Variants in GAS7 observed in about 807,000 individuals in gnomAD.
GAS7 encodes the protein growth arrest specific 7.
In GAS7, 28 loss-of-function variants were observed where a neutral mutation model predicts 71.1. That is an observed-to-expected ratio of 0.39 (90% CI 0.29 to 0.54). The LOEUF (loss-of-function observed/expected upper bound fraction) is 0.54. GAS7 is among the 20% of genes least tolerant of loss of function. GAS7 has a pLI of 0.62. For missense variants in GAS7, 436 were observed against 627.8 expected, an observed-to-expected ratio of 0.69 and a Z score of 3.27; for synonymous variants, 258 against 245.8, an observed-to-expected ratio of 1.05 and a Z score of -0.46.
chr17:10,147,461 A>G (rs2074130458), intron 1 of GAS7, among the ~76,000 whole-genome samples: 1 of 152,196 alleles, frequency 6.6e-6, no homozygotes, highest in Non-Finnish European at 1.5e-5. Context: ...AGACAAAAGG[A>G]AACATCCTCA....
chr17:9,941,983 T>G (rs1313959256), intron 7 of GAS7, among the ~76,000 whole-genome samples: 4 of 152,216 alleles, frequency 2.6e-5, no homozygotes, highest in African/African-American at 9.6e-5. Flanking sequence ...TCTGGCACAG[T>G]GGCTCATGCC....
chr17:9,933,737 T>C (rs923080591), intron 9 of GAS7, among the ~76,000 whole-genome samples: 1 of 151,988 alleles, frequency 6.6e-6, no homozygotes, highest in Non-Finnish European at 1.5e-5. Context: ...CCCAGCTACT[T>C]GGGAGGCTGA....
At chr17:10,094,946 T>C (rs2073625326) in intron 1 of GAS7, among the ~76,000 whole-genome samples, 1 of 152,192 alleles carries the variant, frequency 6.6e-6, no homozygotes, top group Admixed American at 6.5e-5. Flanking sequence ...TCCATTTCTG[T>C]CATCCGCAAT....
intron 5 of GAS7, among the ~76,000 whole-genome samples, chr17:9,957,362 C>A (rs906072759): frequency 6.6e-6 from 1 of 152,180 alleles, no homozygotes; most frequent in Non-Finnish European, 1.5e-5. Context: ...GCGAGGTGTG[C>A]TGCCCATCAG....
At chr17:10,097,359 A>G (rs1276178102) in intron 1 of GAS7, among the ~76,000 whole-genome samples, 1 of 152,244 alleles carries the variant, frequency 6.6e-6, no homozygotes, top group African/African-American at 2.4e-5. Flanking sequence ...GCAGAGCAGA[A>G]GAGAGACTCC....
chr17:10,175,977 C>A (rs1361509420), intron 1 of GAS7, among the ~76,000 whole-genome samples: 1 of 152,184 alleles, frequency 6.6e-6, no homozygotes, highest in East Asian at 1.9e-4. Context: ...CTGGGCACAT[C>A]CCCGTTATCA....
At chr17:10,120,011 G>A (rs117371843) in intron 1 of GAS7, among the ~76,000 whole-genome samples, 2 of 152,344 alleles carry the variant, frequency 1.3e-5, no homozygotes, top group East Asian at 1.9e-4. Context: ...GCTTTCGGAA[G>A]TGCTAACCAC....
intron 6 of GAS7, among the ~76,000 whole-genome samples, chr17:9,946,348 G>C (rs1328534488): frequency 6.6e-6 from 1 of 152,146 alleles, no homozygotes; most frequent in Non-Finnish European, 1.5e-5. Flanking sequence ...ATGGTTGTGC[G>C]ACCATCACCA....
intron 1 of GAS7, among the ~76,000 whole-genome samples, chr17:10,129,020 G>A (rs1430244113): frequency 1.3e-5 from 2 of 152,138 alleles, no homozygotes; most frequent in Non-Finnish European, 2.9e-5. Context: ...ACATATATGA[G>A]AAGACATTTT....
intron 2 of GAS7, among the ~76,000 whole-genome samples, chr17:9,985,263 C>A (rs891693044): frequency 1.3e-5 from 2 of 152,144 alleles, no homozygotes; most frequent in Non-Finnish European, 1.5e-5. Flanking sequence ...CACTTCACAG[C>A]GAAAATCCCT....
At chr17:10,112,701 T>C (rs543737123) in intron 1 of GAS7, among the ~76,000 whole-genome samples, 57 of 146,240 alleles carry the variant, frequency 3.9e-4, no homozygotes, top group Non-Finnish European at 5.5e-4. Flanking sequence ...ATCATACCAG[T>C]GCACTCCAGC....
In GAS7 at chr17:9,981,799, A is replaced by G. The variant is rs2070420251; in HGVS notation, c.385+5T>C. 6.5e-7 allele frequency: 1 copy of G among 1,538,956 alleles called. No homozygotes were observed. The highest frequency in any genetic ancestry group is 9.0e-7 in the Non-Finnish European group (1 of 1,111,464). Reference sequence around the variant, plus strand: ...AGTTGCCCCAAAGCAGACAGCGGACATTACCTGTTGGAGGCAGAGAGCTCC... The same window carrying G: ...AGTTGCCCCAAAGCAGACAGCGGACGTTACCTGTTGGAGGCAGAGAGCTCC... On this transcript the variant is annotated splice_donor_5th_base_variant and intron_variant, in intron 3 of 13. Transcript: ENST00000432992. The surrounding 1 kb of genome is among the most constrained non-coding windows in gnomAD (Gnocchi z 4.4).
intron 1 of GAS7, among the ~76,000 whole-genome samples, chr17:10,140,154 G>A (rs999981994): frequency 4.6e-5 from 7 of 152,160 alleles, no homozygotes; most frequent in Non-Finnish European, 7.3e-5. Context: ...CTAATATTCT[G>A]TAAAAACTCT....
chr17:9,966,701 A>T lies in GAS7; in HGVS notation c.471+2976T>A, dbSNP rs150160902. On this transcript the variant is annotated intron_variant, in intron 4 of 13. Coordinates refer to ENST00000432992, the MANE Select transcript of GAS7 (RefSeq NM_201433.2). ...CTGCAGGCTCACAAACCAGGACAAA[A>T]AGTAGTAGCTAGCTGGGCGTGGTGG... 4.2e-3 allele frequency among the ~76,000 whole-genome samples: 640 copies of T among 152,188 alleles called. 5 individuals are homozygous for T. The highest frequency in any genetic ancestry group is 0.015 in the African/African-American group (608 of 41,536).
At chr17:10,009,326 AAAAAAAAAAAGTGTTCTACTGG>A (rs2071667527) in intron 2 of GAS7, among the ~76,000 whole-genome samples, 1 of 151,374 alleles carries the variant, frequency 6.6e-6, no homozygotes, top group African/African-American at 2.4e-5. Flanking sequence ...GTCAAAAAAA[AAAAAAAAAAAGTGTTCTACTGG>A]AAAACTTATC....
intron 4 of GAS7, among the ~76,000 whole-genome samples, chr17:9,965,582 T>C (rs2069673703): frequency 1.3e-5 from 2 of 152,160 alleles, no homozygotes; most frequent in African/African-American, 4.8e-5. Context: ...AAAATCTAGA[T>C]GACAGGTTGA....
At chr17:10,154,757 T>TCATG (rs2074191839) in intron 1 of GAS7, among the ~76,000 whole-genome samples, 1 of 152,130 alleles carries the variant, frequency 6.6e-6, no homozygotes, top group African/African-American at 2.4e-5. Flanking sequence ...AACAACTGTA[T>TCATG]CATGCTGTCT....
chr17:9,985,145 C>T (rs1177914893), intron 2 of GAS7, among the ~76,000 whole-genome samples: 1 of 152,170 alleles, frequency 6.6e-6, no homozygotes, highest in Admixed American at 6.5e-5. Flanking sequence ...CCATCACGTT[C>T]CTCTTGTCTT....
intron 1 of GAS7, among the ~76,000 whole-genome samples, chr17:10,025,894 G>A (rs1214643861): frequency 2.6e-5 from 4 of 152,182 alleles, no homozygotes; most frequent in Non-Finnish European, 5.9e-5. Flanking sequence ...TTATAAGCAT[G>A]ATTTGTAAAA....
Sources: allele counts gnomAD v4.1 joint callset (sites outside exome capture counted in the v4.1 genomes callset), GRCh38; gene constraint gnomAD v4.1.1; non-coding constraint Gnocchi (gnomAD v3.1); transcripts MANE v1.5; gene names NCBI Gene and HGNC (gene_info 2026-07-23, HGNC 2026-07-21).